Variants in COA7 observed in about 807,000 individuals in gnomAD.
COA7 encodes the protein Sel1 repeat containing 1.
COA7 carries 12 observed loss-of-function variants against 21.0 expected under a neutral mutation model. The observed-to-expected ratio is 0.57, with a 90% CI of 0.37 to 0.92. COA7 has a LOEUF of 0.92. Among genes scored for constraint, COA7 ranks in the 40% least tolerant of loss-of-function variants. The pLI, the probability that COA7 is intolerant of heterozygous loss-of-function variation, is 0.01. For missense variants in COA7, 240 were observed against 286.1 expected, an observed-to-expected ratio of 0.84 and a Z score of 1.16; for synonymous variants, 95 against 107.4, an observed-to-expected ratio of 0.88 and a Z score of 0.72.
chr1:52,691,629 G>A (rs556215542), intron 2 of COA7, among the ~76,000 whole-genome samples: 3 of 151,820 alleles, frequency 2.0e-5, no homozygotes, highest in African/African-American at 4.8e-5. Flanking sequence ...GCGCCACCAC[G>A]CCCAGCTAAT....
At chr1:52,696,813 G>GA (rs540684646) in intron 1 of COA7, among the ~76,000 whole-genome samples, 49,516 of 123,602 alleles carry the variant, frequency 0.4, 10,313 homozygotes, top group Non-Finnish European at 0.52. Context: ...TTATTTGAAA[G>GA]AAAAAAAAAA....
intron 1 of COA7, among the ~76,000 whole-genome samples, chr1:52,694,095 TAG>T (rs1490965081): frequency 6.6e-6 from 1 of 152,146 alleles, no homozygotes; most frequent in Non-Finnish European, 1.5e-5. Context: ...TGTGGAATAA[TAG>T]ACACTGGAGA....
Position 52,688,034 on chromosome 1 carries a change from G to A in COA7, c.382C>T (p.Gln128Ter), listed in dbSNP as rs375183499. ...TCCCTGGCCTTTCCCAAGTCAGGCT[G>A]GCCATCCTCATTAACCTGTCCATCA... The part of the protein sequence containing the change: ...AHDGQVNEDG[Q>*]PDLGKARDYY... Residue 128 changes from glutamine (Q) to a stop codon, truncating the protein, a stop_gained, in exon 3 of 3, where the codon CAG (glutamine) becomes TAG (stop). Transcript: ENST00000371538. LOFTEE classifies it high-confidence loss of function. The A allele has an allele frequency of 5.6e-6, 9 of 1,614,056 alleles. No individual in the cohort carries two copies. The African/African-American group carries it at 1.2e-4, about 22-fold the overall frequency.
At chr1:52,696,366 T>G (rs556193950) in intron 1 of COA7, among the ~76,000 whole-genome samples, 1 of 152,070 alleles carries the variant, frequency 6.6e-6, no homozygotes. Context: ...TAGAGACAGT[T>G]TAATCATATT....
Position 52,697,275 on chromosome 1 carries a change from AG to A in COA7, c.106+945del, listed in dbSNP as rs537220429. Among the ~76,000 whole-genome samples the A allele has an allele frequency of 5.4e-3, 827 of 152,278 alleles. 3 individuals are homozygous for A. The highest frequency in any genetic ancestry group is 0.019 in the African/African-American group (773 of 41,550). On this transcript the variant is annotated intron_variant, in intron 1 of 2. Coordinates refer to ENST00000371538, the MANE Select transcript of COA7 (RefSeq NM_023077.3). Reference sequence around the variant, plus strand: ...AAAAAATAAAAATAAAGCAAGAAGAAGAAAACCACCCAAAGGTATTAGCTGC... The same window carrying A: ...AAAAAATAAAAATAAAGCAAGAAGAAAAAACCACCCAAAGGTATTAGCTGC...
At chr1:52,694,461 G>GGAAAAAAAAAAAAAAA in intron 1 of COA7, among the ~76,000 whole-genome samples, 1 of 65,000 alleles carries the variant, frequency 1.5e-5, no homozygotes, top group Non-Finnish European at 3.1e-5. Context: ...ACTCCATCTC[G>GGAAAAAAAAAAAAAAA]AAAAAAAAAA....
At chr1:52,693,186 T>C (rs780980700) in intron 1 of COA7, among the ~76,000 whole-genome samples, 12 of 152,142 alleles carry the variant, frequency 7.9e-5, no homozygotes, top group Non-Finnish European at 1.6e-4. Context: ...CTGACTTCCA[T>C]GATTGAAACT....
rs752785380 is a variant in COA7, at chr1:52,698,343, A to C, written c.-17T>G. ...GCCGGCCATGGTTCGCGCCGGCCCA[A>C]AGACGGTCACGTGAGCCGGCGGAGG... On this transcript the variant is annotated 5_prime_UTR_variant, in exon 1 of 3. Coordinates refer to ENST00000371538, the MANE Select transcript of COA7 (RefSeq NM_023077.3). 1.9e-6 allele frequency: 3 copies of C among 1,591,318 alleles called. No individual in the cohort carries two copies. The highest frequency in any genetic ancestry group is 2.2e-5 in the East Asian group (1 of 44,514).
At position 52,686,869 on chromosome 1, in the gene COA7, A is replaced by G. The variant is rs1442806460; in HGVS notation, c.*851T>C. The G allele has an allele frequency of 6.6e-6, 1 of 152,262 alleles. No individual in the cohort carries two copies. Among genetic ancestry groups the G allele is most frequent in the Non-Finnish European group, 1.5e-5 (1 of 68,056 alleles). The allele number at this position is 152,262 out of a possible 1,614,324, so 9.4% of individuals were successfully genotyped here. On this transcript the variant is annotated 3_prime_UTR_variant, in exon 3 of 3. Coordinates refer to ENST00000371538, the MANE Select transcript of COA7 (RefSeq NM_023077.3). ...CTCAAAATTGTTCATTCACAGGGAC[A>G]GTTAAAAAGGCTCAGTTCCAGGGGA...
intron 2 of COA7, among the ~76,000 whole-genome samples, chr1:52,691,196 G>A (rs1450877337): frequency 6.6e-6 from 1 of 151,888 alleles, no homozygotes; most frequent in East Asian, 1.9e-4. Flanking sequence ...TGCAAGGATT[G>A]CTTGAGGCCA....
rs1366822974 is a variant in COA7 at position 52,698,301 on chromosome 1, T to A, written c.26A>T (p.Asp9Val). MAGMVDFQ[D>V]EEQVKSFLEN... ...CAAAAAGGACTTGACCTGCTCCTCATCCTGGAAGTCCACCATGCCGGCCAT... is the reference window on the plus strand; with the variant it reads ...CAAAAAGGACTTGACCTGCTCCTCAACCTGGAAGTCCACCATGCCGGCCAT... The change falls in exon 1 of 3, where the codon GAT becomes GTT. Residue 9 changes from aspartate (D) to valine (V), a missense_variant. Asp to Val is a radical substitution (Grantham distance 152, BLOSUM62 -3). Transcript: ENST00000371538. 6.2e-7 allele frequency: 1 copy of A among 1,612,084 alleles called. No homozygotes were observed. Among genetic ancestry groups the A allele is most frequent in the Admixed American group, 1.7e-5 (1 of 60,004 alleles).
At chr1:52,689,045 G>A (rs1234765678) in intron 2 of COA7, among the ~76,000 whole-genome samples, 1 of 152,170 alleles carries the variant, frequency 6.6e-6, no homozygotes, top group Admixed American at 6.5e-5. Context: ...TATTTACATT[G>A]TATTAGATAG....
At position 52,687,327 on chromosome 1, in the gene COA7, G is replaced by A. The variant is rs768121798; in HGVS notation, c.*393C>T. 22 of 190,330 alleles carry A rather than the reference G, an allele frequency of 1.2e-4. No homozygotes were observed. The highest frequency in any genetic ancestry group is 2.2e-5 in the Non-Finnish European group (2 of 90,988). 11.8% of individuals were successfully genotyped at this position (190,330 alleles called of 1,614,324 possible). ...ATGACAGCTGATTCCTTTAGGCCCC[G>A]GGGCTGCTAATTTTTCAAACTTCCT... On this transcript the variant is annotated 3_prime_UTR_variant, in exon 3 of 3. Coordinates refer to ENST00000371538, the MANE Select transcript of COA7 (RefSeq NM_023077.3).
At chr1:52,692,643 T>TTC (rs931174702) in intron 2 of COA7, 84 bp downstream of exon 2, 40 of 1,517,370 alleles carry the variant, frequency 2.6e-5, no homozygotes, top group Non-Finnish European at 3.5e-5. Flanking sequence ...TGCGAGACCC[T>TTC]TCTGCAAGAG....
chr1:52,692,025 T>C (rs1644050896), intron 2 of COA7, among the ~76,000 whole-genome samples: 1 of 152,174 alleles, frequency 6.6e-6, no homozygotes, highest in Admixed American at 6.5e-5. Context: ...GAGCGAACCA[T>C]GTCATGACGA....
chr1:52,688,162 A>G lies in COA7; in HGVS notation c.254T>C (p.Leu85Pro), dbSNP rs766535985. 3 of 1,608,964 alleles carry G rather than the reference A, an allele frequency of 1.9e-6. No individual in the cohort carries two copies. The highest frequency in any genetic ancestry group is 1.3e-5 in the African/African-American group (1 of 74,998). ...GAYYVTGKGG[L>P]TQDLKAAARC... ...GGCGGCAGCTTTCAGGTCCTGGGTC[A>G]GACCACCTGAGAGGAAGGAAAGTAG... Residue 85 changes from leucine (L) to proline (P), a missense_variant, in exon 3 of 3, where the codon CTG becomes CCG. Leu to Pro is a moderately conservative substitution (Grantham distance 98, BLOSUM62 -3). Transcript: ENST00000371538.
chr1:52,687,883 G>A lies in COA7; in HGVS notation c.533C>T (p.Ala178Val). The change falls in exon 3 of 3, where the codon GCC becomes GTC. Residue 178 changes from alanine (A) to valine (V), a missense_variant. This residue lies in a region of COA7 where 163 missense variants were observed against 214.1 expected (regional missense o/e 0.76). Transcript: ENST00000371538. ...GGCCCAGATATGACCCAGGTCACAG[G>A]CTTTCATGGAGTATTTACATGCCAG... is the stretch of plus-strand genomic sequence containing the variant. ...MDLACKYSMK[A>V]CDLGHIWACA... is the part of the protein sequence containing the mutation. 5 of 1,614,230 alleles carry A rather than the reference G, an allele frequency of 3.1e-6. No individual in the cohort carries two copies. The highest frequency in any genetic ancestry group is 4.2e-6 in the Non-Finnish European group (5 of 1,180,044).
At chr1:52,690,671 TA>T (rs1432365075) in intron 2 of COA7, among the ~76,000 whole-genome samples, 2 of 144,232 alleles carry the variant, frequency 1.4e-5, no homozygotes, top group Admixed American at 6.7e-5. Context: ...TATTTACATT[TA>T]TTTATTTATT....
chr1:52,690,433 T>C (rs1456216312), intron 2 of COA7, among the ~76,000 whole-genome samples: 31 of 151,486 alleles, frequency 2.0e-4, no homozygotes. Context: ...GGATACTAGA[T>C]AGAAGTGTTT....
Sources: allele counts gnomAD v4.1 joint callset (sites outside exome capture counted in the v4.1 genomes callset), GRCh38; gene constraint gnomAD v4.1.1; regional missense constraint gnomAD v4.1.1; transcripts MANE v1.5; gene names NCBI Gene and HGNC (gene_info 2026-07-23, HGNC 2026-07-21).